SCN10A: variants seen among roughly 807,000 people sequenced by gnomAD.
SCN10A encodes the protein sodium voltage-gated channel alpha subunit 10, also known as sodium channel protein type 10 subunit alpha.
Under a neutral mutation model 170.7 loss-of-function variants are expected in SCN10A, and 162 were observed. That is an observed-to-expected ratio of 0.95 (90% confidence interval 0.84 to 1.08). The LOEUF (loss-of-function observed/expected upper bound fraction) is 1.08, where lower values mean the gene tolerates loss of function less well. Ranked by LOEUF, SCN10A falls within the 50% of genes least tolerant of loss-of-function variation. The pLI, the probability that SCN10A is intolerant of heterozygous loss-of-function variation, is 0.00. For missense variants in SCN10A, 2,527 were observed against 2,436.9 expected (o/e 1.04, Z -0.78); for synonymous variants, 985 against 904.6 (o/e 1.09, Z -1.59).
chr3:38,755,852 A>G lies in SCN10A; in HGVS notation c.1397T>C (p.Val466Ala), dbSNP rs764168768. ...SERRHRIKPR[V>A]SEGSTEDNKS... ...GTTGTCTTCTGTGGAGCCCTCTGAC[A>G]CTCTTGGCTTTATTCTATGCCTTCT... Residue 466 changes from valine to alanine, a missense_variant, in exon 11 of 28, where the codon GTG becomes GCG. By Grantham distance (64) the Val-to-Ala change is moderately conservative. Coordinates refer to ENST00000449082, the MANE Select transcript of SCN10A (RefSeq NM_006514.4). 29 of 1,613,466 alleles carry G rather than the reference A, an allele frequency of 1.8e-5. 1 individual carries two copies. The Admixed American group carries it at 4.3e-4, about 24-fold the overall frequency.
intron 10 of SCN10A, 23 bp from the exon 11 acceptor site, chr3:38,755,981 G>A: frequency 6.2e-7 from 1 of 1,613,560 alleles, no homozygotes; most frequent in Non-Finnish European, 8.5e-7. Flanking sequence ...AACAGCAGGT[G>A]TAGCCAATAG....
At chr3:38,715,224 T>C (rs1283808524) in intron 21 of SCN10A, among the ~76,000 whole-genome samples, 4 of 152,144 alleles carry the variant, frequency 2.6e-5, no homozygotes, top group Admixed American at 2.6e-4. Flanking sequence ...CCCTGGGAAG[T>C]CTGCCTCACA....
chr3:38,797,497 A>G (rs2126063424), intron 1 of SCN10A, among the ~76,000 whole-genome samples: 1 of 152,290 alleles, frequency 6.6e-6, no homozygotes, highest in Admixed American at 6.5e-5. Context: ...TACATAATTG[A>G]ACATCTGTCT....
At chr3:38,723,199 G>A (rs938671927) in intron 19 of SCN10A, among the ~76,000 whole-genome samples, 1 of 152,144 alleles carries the variant, frequency 6.6e-6, no homozygotes, top group African/African-American at 2.4e-5. Flanking sequence ...GGGTAAAGAG[G>A]AAGGCCCACG....
At chr3:38,806,915 A>G (rs4528881) in intron 1 of SCN10A, among the ~76,000 whole-genome samples, 17,712 of 152,208 alleles carry the variant, frequency 0.12, 1,197 homozygotes, top group Middle Eastern at 0.2. Context: ...AAGTTTTCTC[A>G]TTTGTACAAT....
At chr3:38,809,250 C>T (rs2064424518) in intron 1 of SCN10A, among the ~76,000 whole-genome samples, 1 of 151,998 alleles carries the variant, frequency 6.6e-6, no homozygotes, top group African/African-American at 2.4e-5. Context: ...TTTCTGAATG[C>T]AACTTTTGGA....
intron 15 of SCN10A, among the ~76,000 whole-genome samples, chr3:38,732,184 C>T (rs1224476678): frequency 6.6e-6 from 1 of 152,204 alleles, no homozygotes; most frequent in East Asian, 1.9e-4. Context: ...TCCTCCCAGA[C>T]ACAACGGAAG....
rs9830687 is a variant in SCN10A, at chr3:38,739,480, G to A, written c.2280+35C>T. ...ACAGTGTCTTCCCTGAATCTGGGTGGGAGTTTCCCCAAGCCATCAAGAGAA... is the reference window on the plus strand; with the variant it reads ...ACAGTGTCTTCCCTGAATCTGGGTGAGAGTTTCCCCAAGCCATCAAGAGAA... On this transcript the variant is annotated intron_variant, in intron 15 of 27. Coordinates refer to ENST00000449082, the MANE Select transcript of SCN10A (RefSeq NM_006514.4). 0.24 allele frequency: 388,749 copies of A among 1,593,214 alleles called. 49,549 individuals carry two copies. The highest frequency in any genetic ancestry group is 0.29 in the African/African-American group (21,680 of 74,550).
chr3:38,754,291 A>G (rs2063779738), intron 11 of SCN10A, among the ~76,000 whole-genome samples: 1 of 152,174 alleles, frequency 6.6e-6, no homozygotes, highest in Non-Finnish European at 1.5e-5. Context: ...TTCTCAAAAC[A>G]CCATGTATGT....
intron 4 of SCN10A, among the ~76,000 whole-genome samples, chr3:38,776,398 T>C (rs2064075616): frequency 6.6e-6 from 1 of 152,066 alleles, no homozygotes. Context: ...ACTCTTTTTT[T>C]TGAATTGTGA....
chr3:38,760,695 A>T lies in SCN10A; in HGVS notation c.936T>A (p.Asn312Lys), dbSNP rs777661319. 6.2e-7 allele frequency: 1 copy of T among 1,614,074 alleles called. No homozygotes were observed. The highest frequency in any genetic ancestry group is 1.1e-5 in the South Asian group (1 of 91,086). The change falls in exon 8 of 28, where the codon AAT (asparagine) becomes AAA (lysine). Residue 312 changes from asparagine (N) to lysine (K), a missense_variant. Coordinates refer to ENST00000449082, the MANE Select transcript of SCN10A (RefSeq NM_006514.4). ...TGGGAACTCACCCTGAGTCAGATCC[A>T]TTGCCACACAGTAAGGGGTCAGAAG... ...RGTSDPLLCG[N>K]GSDSGHCPDG...
At chr3:38,807,155 T>A (rs1168224881) in intron 1 of SCN10A, among the ~76,000 whole-genome samples, 1 of 152,188 alleles carries the variant, frequency 6.6e-6, no homozygotes, top group African/African-American at 2.4e-5. Flanking sequence ...GTAAGCCAAA[T>A]ATTTTTAAGG....
intron 4 of SCN10A, among the ~76,000 whole-genome samples, chr3:38,776,969 T>C (rs539040773): frequency 6.6e-6 from 1 of 152,060 alleles, no homozygotes; most frequent in South Asian, 2.1e-4. Context: ...AAAATACTGA[T>C]AGAAGCCAAC....
chr3:38,794,000 G>C lies in SCN10A; in HGVS notation c.11C>G (p.Pro4Arg), dbSNP rs781089009. The C allele has an allele frequency of 1.9e-6, 3 of 1,613,474 alleles. No individual in the cohort carries two copies. The highest frequency in any genetic ancestry group is 2.5e-6 in the Non-Finnish European group (3 of 1,179,684). Residue 4 changes from proline (P) to arginine (R), a missense_variant, in exon 2 of 28, where the codon CCC becomes CGC. By Grantham distance (103) the Pro-to-Arg change is moderately radical. Coordinates refer to ENST00000449082, the MANE Select transcript of SCN10A (RefSeq NM_006514.4). MEF[P>R]IGSLETNNFR... Reference sequence around the variant, plus strand: ...GTTGTTAGTTTCGAGGGATCCAATGGGGAATTCCATCTTCTCATTCTTCTT... The same window carrying C: ...GTTGTTAGTTTCGAGGGATCCAATGCGGAATTCCATCTTCTCATTCTTCTT...
At chr3:38,790,457 G>T (rs1237086785) in intron 3 of SCN10A, among the ~76,000 whole-genome samples, 3 of 151,934 alleles carry the variant, frequency 2.0e-5, no homozygotes, top group African/African-American at 4.8e-5. Flanking sequence ...CTGGTCACTT[G>T]GTTCTTTTTA....
chr3:38,802,652 G>A (rs1314877689), intron 1 of SCN10A, among the ~76,000 whole-genome samples: 1 of 152,128 alleles, frequency 6.6e-6, no homozygotes, highest in Non-Finnish European at 1.5e-5. Flanking sequence ...ATTAATTCTA[G>A]ATGGATTAAA....
At chr3:38,745,622 C>T (rs2063678088) in intron 13 of SCN10A, among the ~76,000 whole-genome samples, 1 of 152,082 alleles carries the variant, frequency 6.6e-6, no homozygotes, top group Admixed American at 6.6e-5. Flanking sequence ...CTTCACCTCT[C>T]ACCCGCTCTT....
At chr3:38,698,968 C>A (rs1253002083) in intron 27 of SCN10A, among the ~76,000 whole-genome samples, 1 of 152,126 alleles carries the variant, frequency 6.6e-6, no homozygotes, top group East Asian at 1.9e-4. Flanking sequence ...GCCTTTGGGT[C>A]ATGCCCTTTC....
intron 4 of SCN10A, among the ~76,000 whole-genome samples, chr3:38,778,046 C>A (rs1018124896): frequency 6.6e-6 from 1 of 151,914 alleles, no homozygotes; most frequent in Non-Finnish European, 1.5e-5. Flanking sequence ...GGGCAAATCC[C>A]AAAAACATAA....
Sources: allele counts gnomAD v4.1 joint callset (sites outside exome capture counted in the v4.1 genomes callset), GRCh38; gene constraint gnomAD v4.1.1; transcripts MANE v1.5; gene names NCBI Gene and HGNC (gene_info 2026-07-23, HGNC 2026-07-21).